Variants in TENM3 observed in about 807,000 individuals in gnomAD.
TENM3 encodes teneurin-3.
In TENM3, 63 loss-of-function variants were observed where a neutral mutation model predicts 255.1. The observed-to-expected ratio is 0.25, with a 90% CI of 0.20 to 0.30. The LOEUF (loss-of-function observed/expected upper bound fraction) is 0.30, where lower values mean the gene tolerates loss of function less well. Ranked by LOEUF, TENM3 falls within the 10% of genes least tolerant of loss-of-function variation. TENM3 has a pLI of 1.00. For missense variants in TENM3, 2,929 were observed against 3,461.1 expected, an observed-to-expected ratio of 0.85 and a Z score of 3.86; for synonymous variants, 1,306 against 1,322.3, an observed-to-expected ratio of 0.99 and a Z score of 0.27.
At chr4:181,811,437 C>G in the TENM3 span, among the ~76,000 whole-genome samples, 1 of 152,172 alleles carries the variant, frequency 6.6e-6, no homozygotes, top group African/African-American at 2.4e-5. Flanking sequence ...GTTATTTTGG[C>G]ATAAACTTAT....
the TENM3 span, among the ~76,000 whole-genome samples, chr4:181,624,118 A>T: frequency 6.6e-6 from 1 of 152,194 alleles, no homozygotes; most frequent in African/African-American, 2.4e-5. Context: ...CTACTATATG[A>T]ACATCTGTAT....
chr4:181,462,580 A>C, the TENM3 span, among the ~76,000 whole-genome samples: 3 of 152,220 alleles, frequency 2.0e-5, no homozygotes, highest in Admixed American at 6.5e-5. Flanking sequence ...CTGGTTTTCA[A>C]ATTTTTTAAA....
Position 182,294,429 on chromosome 4 carries a change from A to G in TENM3, c.-75-29517A>G, listed in dbSNP as rs548494470. On this transcript the variant is annotated intron_variant, in intron 1 of 27. Transcript: ENST00000511685. ...ACCCTAAGTGTAAATCCCTAAACAG[A>G]CTTTTTTTTTTTTAAGTGGGAAAGA... 4.8e-5 allele frequency among the ~76,000 whole-genome samples: 7 copies of G among 144,432 alleles called. No homozygotes were observed. In the East Asian group the frequency reaches 1.4e-3, roughly 28 times the overall value. 94.8% of individuals were successfully genotyped at this position (144,432 alleles called of 152,430 possible).
chr4:182,023,667 G>T, the TENM3 span, among the ~76,000 whole-genome samples: 1 of 152,182 alleles, frequency 6.6e-6, no homozygotes, highest in African/African-American at 2.4e-5. Flanking sequence ...TGGCAAAAAG[G>T]TTTGTTCATT....
At chr4:181,543,770 A>T in the TENM3 span, among the ~76,000 whole-genome samples, 1 of 152,340 alleles carries the variant, frequency 6.6e-6, no homozygotes, top group South Asian at 2.1e-4. Context: ...TAGGCTGATG[A>T]AGCCCAAGGG....
At chr4:182,493,732 G>T (rs1015053127) in intron 3 of TENM3, among the ~76,000 whole-genome samples, 7 of 152,006 alleles carry the variant, frequency 4.6e-5, no homozygotes, top group African/African-American at 1.7e-4. Flanking sequence ...TTCATTTAAT[G>T]ATCGCTATAT....
chr4:182,776,407 G>C (rs1222351964), intron 24 of TENM3, among the ~76,000 whole-genome samples: 1 of 152,138 alleles, frequency 6.6e-6, no homozygotes, highest in Non-Finnish European at 1.5e-5. Flanking sequence ...GCAAGATTCT[G>C]TCTCGAAACA....
chr4:182,660,662 G>A (rs944933890), intron 6 of TENM3, among the ~76,000 whole-genome samples: 10 of 152,112 alleles, frequency 6.6e-5, no homozygotes, highest in African/African-American at 1.4e-4. Context: ...CCCATCATTC[G>A]TTATTTATAT....
At chr4:182,608,044 G>A (rs1203453723) in intron 4 of TENM3, among the ~76,000 whole-genome samples, 1 of 152,072 alleles carries the variant, frequency 6.6e-6, no homozygotes, top group African/African-American at 2.4e-5. Context: ...TCTTCCTCTC[G>A]AGCAACTGTT....
chr4:182,164,802 A>G (rs1459749564), intron 1 of TENM3, among the ~76,000 whole-genome samples: 1 of 152,120 alleles, frequency 6.6e-6, no homozygotes, highest in East Asian at 1.9e-4. Flanking sequence ...GGGTTCTAAA[A>G]ACCTACTTCA....
the TENM3 span, among the ~76,000 whole-genome samples, chr4:181,552,070 G>A: frequency 7.2e-5 from 11 of 152,084 alleles, no homozygotes; most frequent in African/African-American, 2.7e-4. Flanking sequence ...GTGTGTGAAT[G>A]TGTTTAAATG....
At chr4:182,540,076 A>C (rs1053668065) in intron 3 of TENM3, among the ~76,000 whole-genome samples, 1 of 152,240 alleles carries the variant, frequency 6.6e-6, no homozygotes. Context: ...AAGAATAGAA[A>C]ACGGTAAATC....
the TENM3 span, among the ~76,000 whole-genome samples, chr4:181,869,030 T>G: frequency 1.3e-5 from 2 of 152,164 alleles, no homozygotes; most frequent in African/African-American, 4.8e-5. Flanking sequence ...CTGACCAATT[T>G]TCTTATACTA....
chr4:182,090,475 A>G, the TENM3 span, among the ~76,000 whole-genome samples: 2 of 152,204 alleles, frequency 1.3e-5, no homozygotes, highest in South Asian at 2.1e-4. Flanking sequence ...ACAAAACAAG[A>G]GCCAGGAGTG....
chr4:182,518,838 A>ATT, intron 3 of TENM3, among the ~76,000 whole-genome samples: 1 of 152,258 alleles, frequency 6.6e-6, no homozygotes, highest in Non-Finnish European at 1.5e-5. Context: ...AAAAATTAAT[A>ATT]TAGCTACACA....
At chr4:181,500,323 C>A in the TENM3 span, among the ~76,000 whole-genome samples, 2 of 147,778 alleles carry the variant, frequency 1.4e-5, no homozygotes, top group Non-Finnish European at 3.0e-5. Context: ...GCCACCGCAC[C>A]CGGCCTTATG....
At chr4:182,454,969 T>A (rs2151345545) in intron 3 of TENM3, among the ~76,000 whole-genome samples, 2 of 152,334 alleles carry the variant, frequency 1.3e-5, no homozygotes, top group Non-Finnish European at 2.9e-5. Flanking sequence ...TTCTCTTTTG[T>A]TACAATTAAT....
At chr4:182,205,319 A>G (rs1328644117) in intron 1 of TENM3, among the ~76,000 whole-genome samples, 2 of 152,254 alleles carry the variant, frequency 1.3e-5, no homozygotes, top group Admixed American at 6.5e-5. Flanking sequence ...TAATTATTAA[A>G]TAATAGAATC....
chr4:182,314,296 G>A (rs11722668), intron 1 of TENM3, among the ~76,000 whole-genome samples: 11,992 of 150,332 alleles, frequency 0.08, 579 homozygotes, highest in East Asian at 0.13. Context: ...GCGAGACTCC[G>A]TCTCAAAAAA....
Sources: gnomAD v4.1 joint callset for allele counts (sites outside exome capture counted in the v4.1 genomes callset) on GRCh38, gnomAD v4.1.1 for gene constraint, MANE v1.5 for transcripts, NCBI Gene and HGNC (gene_info 2026-07-23, HGNC 2026-07-21) for gene names.